TOP6BL: variants seen among roughly 807,000 people sequenced by gnomAD.
TOP6BL encodes TOP6B like initiator of meiotic double strand breaks, also known as type 2 DNA topoisomerase 6 subunit B-like.
At chr11:66,757,521 T>A in the TOP6BL span, among the ~76,000 whole-genome samples, 3 of 152,200 alleles carry the variant, frequency 2.0e-5, no homozygotes, top group Admixed American at 2.0e-4. Flanking sequence ...GTCTCCTGTT[T>A]AGCAGACTAG....
At chr11:66,843,272 G>A in the TOP6BL span, 14 of 1,601,526 alleles carry the variant, frequency 8.7e-6, no homozygotes, top group South Asian at 3.3e-5. Flanking sequence ...CGATCCGGAG[G>A]CTGCGGGCAG....
At chr11:66,793,351 C>T in the TOP6BL span, among the ~76,000 whole-genome samples, 19 of 151,696 alleles carry the variant, frequency 1.3e-4, no homozygotes, top group Admixed American at 7.9e-4. Flanking sequence ...CCTCAGCATC[C>T]GAAAGTGCTG....
the TOP6BL span, chr11:66,788,257 G>T: frequency 6.2e-7 from 1 of 1,610,164 alleles, no homozygotes; most frequent in Non-Finnish European, 8.5e-7. Context: ...CACCCTTCCA[G>T]ATGATTTTTG....
chr11:66,755,247 A>C, the TOP6BL span, among the ~76,000 whole-genome samples: 2 of 151,758 alleles, frequency 1.3e-5, no homozygotes, highest in African/African-American at 4.8e-5. Context: ...CAGCCTCCTG[A>C]GTAGCTGGGC....
chr11:66,818,177 C>T, the TOP6BL span, among the ~76,000 whole-genome samples: 1 of 152,148 alleles, frequency 6.6e-6, no homozygotes, highest in South Asian at 2.1e-4. Context: ...CTGCTTACAC[C>T]AGATCAAAAG....
the TOP6BL span, chr11:66,842,693 C>T: frequency 1.4e-6 from 1 of 724,836 alleles, no homozygotes; most frequent in Admixed American, 3.1e-5. Context: ...TCCAGAAGCG[C>T]CCACAGCTGC....
At chr11:66,794,089 G>C in the TOP6BL span, among the ~76,000 whole-genome samples, 1 of 142,486 alleles carries the variant, frequency 7.0e-6, no homozygotes, top group Non-Finnish European at 1.5e-5. Flanking sequence ...TCCAGCCTGA[G>C]TGACAAAGCG....
chr11:66,748,578 T>A, the TOP6BL span: 1 of 1,297,678 alleles, frequency 7.7e-7, no homozygotes, highest in Non-Finnish European at 1.0e-6. Context: ...TCGTAGCTTA[T>A]TTAAAAATTT....
the TOP6BL span, among the ~76,000 whole-genome samples, chr11:66,760,801 CACAA>C: frequency 5.5e-4 from 83 of 151,620 alleles, no homozygotes; most frequent in African/African-American, 1.6e-3. Flanking sequence ...AAGACTTGGT[CACAA>C]ACAAACAAAC....
chr11:66,838,429 C>G, the TOP6BL span: 1 of 1,613,756 alleles, frequency 6.2e-7, no homozygotes, highest in Non-Finnish European at 8.5e-7. Flanking sequence ...ATAACAGCAG[C>G]CTGGAGCTCC....
At chr11:66,771,750 C>A in the TOP6BL span, 1 of 157,150 alleles carries the variant, frequency 6.4e-6, no homozygotes, top group Non-Finnish European at 1.4e-5. Context: ...AGAAGATGGT[C>A]CTGGAGGTTG....
At chr11:66,749,512 T>C in the TOP6BL span, among the ~76,000 whole-genome samples, 1 of 152,182 alleles carries the variant, frequency 6.6e-6, no homozygotes, top group Non-Finnish European at 1.5e-5. Flanking sequence ...CCACCTAGAA[T>C]AGGGGGCATT....
the TOP6BL span, chr11:66,801,247 T>C: frequency 7.3e-4 from 562 of 766,358 alleles, 1 homozygote; most frequent in African/African-American, 7.7e-3. Flanking sequence ...AGTAAAACTT[T>C]TTTTTATGTT....
At chr11:66,825,731 TGCA>T in the TOP6BL span, among the ~76,000 whole-genome samples, 1 of 152,262 alleles carries the variant, frequency 6.6e-6, no homozygotes, top group Admixed American at 6.5e-5. Context: ...AGTGTCAAAG[TGCA>T]TAGCATACGG....
the TOP6BL span, among the ~76,000 whole-genome samples, chr11:66,751,970 T>G: frequency 6.6e-6 from 1 of 152,190 alleles, no homozygotes; most frequent in Non-Finnish European, 1.5e-5. Context: ...ATCAGTTTCA[T>G]CCTCCTGAAA....
the TOP6BL span, among the ~76,000 whole-genome samples, chr11:66,809,307 A>C: frequency 6.6e-6 from 1 of 152,242 alleles, no homozygotes; most frequent in Admixed American, 6.5e-5. Flanking sequence ...TGACTTCCCC[A>C]TACCAACAGA....
the TOP6BL span, among the ~76,000 whole-genome samples, chr11:66,793,709 G>A: frequency 6.6e-6 from 1 of 151,968 alleles, no homozygotes. Context: ...GCCTCCCAAA[G>A]TGCTGGGATT....
the TOP6BL span, among the ~76,000 whole-genome samples, chr11:66,779,865 A>G: frequency 6.6e-6 from 1 of 152,134 alleles, no homozygotes; most frequent in East Asian, 1.9e-4. Flanking sequence ...TTGTAGGGAC[A>G]TGGATGAAGC....
chr11:66,764,968 CAA>C, the TOP6BL span, among the ~76,000 whole-genome samples: 1 of 127,232 alleles, frequency 7.9e-6, no homozygotes, highest in Non-Finnish European at 1.7e-5. Flanking sequence ...ATCTTGTCTC[CAA>C]AAAAAAAAAG....
Sources: allele counts gnomAD v4.1 joint callset (sites outside exome capture counted in the v4.1 genomes callset), GRCh38; gene constraint gnomAD v4.1.1; transcripts MANE v1.5; gene names NCBI Gene and HGNC (gene_info 2026-07-23, HGNC 2026-07-21).